Variants in CLSTN2 observed in about 807,000 individuals in gnomAD.
CLSTN2 encodes calsyntenin-2.
Under a neutral mutation model 101.2 loss-of-function variants are expected in CLSTN2, and 48 were observed. The ratio of observed to expected loss-of-function variants is 0.47; its 90% CI spans 0.38 to 0.60. CLSTN2 has a LOEUF of 0.60. Ranked by LOEUF, CLSTN2 falls within the 20% of genes least tolerant of loss-of-function variation. The probability of loss-of-function intolerance (pLI) is 0.00; values close to 1 mark genes in which losing one functional copy is unlikely to be tolerated. For missense variants in CLSTN2, 1,160 were observed against 1,238.2 expected (o/e 0.94, Z 0.95); for synonymous variants, 481 against 463.6 (o/e 1.04, Z -0.48).
At chr3:140,429,150 G>C (rs910945278) in intron 5 of CLSTN2, among the ~76,000 whole-genome samples, 1 of 152,152 alleles carries the variant, frequency 6.6e-6, no homozygotes, top group African/African-American at 2.4e-5. Context: ...TTAGTTATTG[G>C]CATTGTGAGA....
At chr3:140,152,945 A>G (rs1418421150) in intron 1 of CLSTN2, among the ~76,000 whole-genome samples, 2 of 152,330 alleles carry the variant, frequency 1.3e-5, no homozygotes, top group South Asian at 4.1e-4. Context: ...TCTTACATGC[A>G]CTAAATTTAA....
intron 2 of CLSTN2, among the ~76,000 whole-genome samples, chr3:140,176,540 T>TCCAAGTG (rs2010327760): frequency 6.6e-6 from 1 of 152,246 alleles, no homozygotes; most frequent in Non-Finnish European, 1.5e-5. Flanking sequence ...TCCTTGAGCT[T>TCCAAGTG]CCAAGTGGGT....
At chr3:139,965,214 T>C (rs1446071927) in intron 1 of CLSTN2, among the ~76,000 whole-genome samples, 2 of 152,230 alleles carry the variant, frequency 1.3e-5, no homozygotes, top group East Asian at 1.9e-4. Context: ...TTTTGGGCAG[T>C]GGTTCTGCAT....
At chr3:140,499,973 G>A (rs949815809) in intron 8 of CLSTN2, among the ~76,000 whole-genome samples, 3 of 152,042 alleles carry the variant, frequency 2.0e-5, no homozygotes, top group Admixed American at 6.5e-5. Context: ...AGGCTGAGGC[G>A]GGAGAATGGT....
In CLSTN2 at chr3:140,407,019, G is replaced by A. The variant is rs960905522; in HGVS notation, c.637+2253G>A. On this transcript the variant is annotated intron_variant, in intron 4 of 16. Transcript: ENST00000458420. ...TTGCCAGGCCTCTGCCTCTAATGCT[G>A]GTTTACAACCTAAGATGAAGAGGAG... is the stretch of plus-strand genomic sequence containing the variant. Among the ~76,000 whole-genome samples, 35 of 152,182 alleles carry A rather than the reference G, an allele frequency of 2.3e-4. 1 individual carries two copies. The highest frequency in any genetic ancestry group is 9.8e-4 in the Admixed American group (15 of 15,282).
chr3:140,266,140 C>G (rs1299267295), intron 2 of CLSTN2, among the ~76,000 whole-genome samples: 1 of 152,162 alleles, frequency 6.6e-6, no homozygotes, highest in Non-Finnish European at 1.5e-5. Flanking sequence ...TCTGATCTCT[C>G]TCTGCACTCA....
chr3:139,963,358 A>G (rs1935542590), intron 1 of CLSTN2, among the ~76,000 whole-genome samples: 2 of 152,090 alleles, frequency 1.3e-5, no homozygotes, highest in Non-Finnish European at 1.5e-5. Flanking sequence ...TCAGTACTTT[A>G]TAATGATATG....
At chr3:140,037,368 T>C (rs1340791334) in intron 1 of CLSTN2, among the ~76,000 whole-genome samples, 2 of 152,150 alleles carry the variant, frequency 1.3e-5, no homozygotes, top group Non-Finnish European at 2.9e-5. Flanking sequence ...ATTGGTAATT[T>C]TGAAATTAAA....
intron 8 of CLSTN2, among the ~76,000 whole-genome samples, chr3:140,472,700 G>A (rs532142152): frequency 6.6e-6 from 1 of 150,606 alleles, no homozygotes; most frequent in Non-Finnish European, 1.5e-5. Context: ...TGTCCAGAAT[G>A]TCTTTTTTTT....
intron 9 of CLSTN2, among the ~76,000 whole-genome samples, chr3:140,544,149 A>G (rs906204602): frequency 5.3e-5 from 8 of 152,270 alleles, no homozygotes; most frequent in African/African-American, 1.7e-4. Flanking sequence ...TGCCAGGCAC[A>G]GTGCAGGATG....
At chr3:140,416,124 A>G (rs537374387) in intron 4 of CLSTN2, among the ~76,000 whole-genome samples, 141 of 152,354 alleles carry the variant, frequency 9.3e-4, no homozygotes, top group African/African-American at 3.2e-3. Flanking sequence ...CAAATGCCTC[A>G]TGATATCACT....
intron 2 of CLSTN2, among the ~76,000 whole-genome samples, chr3:140,191,638 G>GA (rs1461287794): frequency 6.6e-6 from 1 of 151,870 alleles, no homozygotes; most frequent in Non-Finnish European, 1.5e-5. Context: ...GTTTTTCAAA[G>GA]AATTGGTCCA....
chr3:140,132,129 G>A (rs142674938), intron 1 of CLSTN2, among the ~76,000 whole-genome samples: 11 of 152,246 alleles, frequency 7.2e-5, no homozygotes, highest in East Asian at 3.9e-4. Flanking sequence ...GATACATATC[G>A]CTATTCTGCA....
intron 2 of CLSTN2, among the ~76,000 whole-genome samples, chr3:140,194,485 G>A (rs1372168335): frequency 6.6e-6 from 1 of 152,074 alleles, no homozygotes; most frequent in Non-Finnish European, 1.5e-5. Context: ...TTTGATGATT[G>A]TAATATCTCT....
intron 1 of CLSTN2, among the ~76,000 whole-genome samples, chr3:140,170,073 C>A (rs2010189090): frequency 6.6e-6 from 1 of 152,014 alleles, no homozygotes; most frequent in African/African-American, 2.4e-5. Flanking sequence ...ATTCAGGAAA[C>A]AAAAATATAC....
intron 2 of CLSTN2, among the ~76,000 whole-genome samples, chr3:140,186,364 T>C (rs114226506): frequency 0.016 from 2,368 of 152,296 alleles, 58 homozygotes; most frequent in African/African-American, 0.054. Context: ...ATTATGAACA[T>C]GAATTTTTAA....
chr3:140,154,886 C>T (rs192248480), intron 1 of CLSTN2, among the ~76,000 whole-genome samples: 323 of 152,030 alleles, frequency 2.1e-3, no homozygotes, highest in African/African-American at 6.8e-3. Context: ...CCTCGTGATC[C>T]GCCCGCCTCA....
At chr3:140,394,932 C>T (rs2088163196) in intron 2 of CLSTN2, among the ~76,000 whole-genome samples, 1 of 152,162 alleles carries the variant, frequency 6.6e-6, no homozygotes, top group South Asian at 2.1e-4. Context: ...AACCACTGGG[C>T]ACCAGGCAGA....
chr3:140,401,784 C>T (rs2088245063), intron 2 of CLSTN2, among the ~76,000 whole-genome samples: 1 of 152,202 alleles, frequency 6.6e-6, no homozygotes, highest in South Asian at 2.1e-4. Flanking sequence ...AAAGCAGCTA[C>T]TTTAGAGGTT....
Sources: gnomAD v4.1 joint callset for allele counts (sites outside exome capture counted in the v4.1 genomes callset) on GRCh38, gnomAD v4.1.1 for gene constraint, MANE v1.5 for transcripts, NCBI Gene and HGNC (gene_info 2026-07-23, HGNC 2026-07-21) for gene names.